The following ABCC8 variants were observed in gnomAD, a reference collection of about 807,000 sequenced individuals.
ABCC8 encodes the protein ATP-binding cassette sub-family C member 8.
In ABCC8, 137 loss-of-function variants were observed where a neutral mutation model predicts 188.0. The observed-to-expected ratio is 0.73, with a 90% CI of 0.63 to 0.84. The LOEUF (loss-of-function observed/expected upper bound fraction) is 0.84. ABCC8 is among the 40% of genes least tolerant of loss of function. The pLI is 0.00. For missense variants in ABCC8, 1,750 were observed against 2,072.7 expected (o/e 0.84, Z 3.02); for synonymous variants, 797 against 846.5 (o/e 0.94, Z 1.01).
Position 17,414,144 on chromosome 11 carries a change from T to C in ABCC8, c.2390+368A>G, listed in dbSNP as rs72866830. Among the ~76,000 whole-genome samples the C allele has an allele frequency of 7.6e-3, 1,159 of 152,338 alleles. 7 individuals are homozygous for C. Among genetic ancestry groups the C allele is most frequent in the Non-Finnish European group, 0.011 (776 of 68,030 alleles). The stretch of plus-strand genomic sequence containing the variant: ...AAAGAGCTCGGCACTGTGCCTGGTA[T>C]GTAGTAAGAGCGCAGTCGATGCTAG... On this transcript the variant is annotated intron_variant, in intron 19 of 38. Coordinates refer to ENST00000389817, the MANE Select transcript of ABCC8 (RefSeq NM_000352.6).
intron 33 of ABCC8, chr11:17,396,264 A>T (rs1353385643): frequency 6.6e-6 from 3 of 454,642 alleles, no homozygotes; most frequent in East Asian, 4.6e-5. Flanking sequence ...AGGAGGACAC[A>T]GGGGCAGCTG....
At chr11:17,429,582 G>A (rs1343465148) in intron 12 of ABCC8, 2 of 152,264 alleles carry the variant, frequency 1.3e-5, no homozygotes, top group Non-Finnish European at 2.9e-5. Flanking sequence ...AAAGGCCTCT[G>A]CTACTCTGGT....
At chr11:17,420,970 T>C (rs552453378) in intron 16 of ABCC8, among the ~76,000 whole-genome samples, 133 of 152,344 alleles carry the variant, frequency 8.7e-4, no homozygotes, top group African/African-American at 3.1e-3. Context: ...CTAAAGTGAA[T>C]GCTTGGGAAC....
intron 16 of ABCC8, among the ~76,000 whole-genome samples, chr11:17,421,138 A>C (rs370838819): frequency 8.5e-5 from 13 of 152,338 alleles, no homozygotes; most frequent in East Asian, 3.9e-4. Flanking sequence ...CCCCAAGGGC[A>C]GGTGCTAGGC....
intron 17 of ABCC8, 56 bp downstream of exon 17, chr11:17,416,874 C>G (rs1591770993): frequency 1.9e-6 from 3 of 1,601,506 alleles, no homozygotes; most frequent in Non-Finnish European, 2.6e-6. Context: ...CCTCCACCCC[C>G]ACCCTACCCC....
chr11:17,441,323 C>T (rs551236046), intron 10 of ABCC8, among the ~76,000 whole-genome samples: 1 of 152,252 alleles, frequency 6.6e-6, no homozygotes, highest in South Asian at 2.1e-4. Flanking sequence ...CTACTAACCT[C>T]AGGAGGGATC....
In ABCC8 at chr11:17,448,595, C is replaced by T. The variant is rs1956633204; in HGVS notation, c.1253G>A (p.Cys418Tyr). The change falls in exon 8 of 39, where the codon TGT (cysteine) becomes TAT (tyrosine). Residue 418 changes from cysteine to tyrosine, a missense_variant. Cys to Tyr is a radical substitution (Grantham distance 194). Transcript: ENST00000389817. Reference sequence around the variant, plus strand: ...ATTGGTGTCGATGGCAACCAGATTACAGATCTGTCCAGCAGTCATTTCTCC... The same window carrying T: ...ATTGGTGTCGATGGCAACCAGATTATAGATCTGTCCAGCAGTCATTTCTCC... ...SMGEMTAGQICNLVAIDTNQL... is the reference protein window; with the variant it reads ...SMGEMTAGQIYNLVAIDTNQL... The T allele has an allele frequency of 3.7e-6, 6 of 1,614,176 alleles. No homozygotes were observed. Among genetic ancestry groups the T allele is most frequent in the Non-Finnish European group, 5.1e-6 (6 of 1,180,006 alleles).
intron 22 of ABCC8, chr11:17,410,298 AG>A (rs1180987208): frequency 1.8e-6 from 1 of 558,832 alleles, no homozygotes; most frequent in Non-Finnish European, 3.2e-6. Context: ...GGCCCGGGCC[AG>A]GATGGGGAGT....
chr11:17,473,266 G>T (rs1848577379), intron 2 of ABCC8, among the ~76,000 whole-genome samples: 1 of 151,978 alleles, frequency 6.6e-6, no homozygotes, highest in Admixed American at 6.5e-5. Context: ...TGGAAGGGGT[G>T]TAGGGGTGGG....
intron 1 of ABCC8, among the ~76,000 whole-genome samples, chr11:17,475,840 T>C (rs902462428): frequency 5.3e-5 from 8 of 152,208 alleles, no homozygotes; most frequent in Admixed American, 1.3e-4. Flanking sequence ...GGGGACACCC[T>C]ATGAGTTGAT....
chr11:17,397,813 A>T lies in ABCC8; in HGVS notation c.3754-16T>A, dbSNP rs1954021944. ...CGATGTACTCCTGGGGAGGGAGAGG[A>T]GCTGACCTGGGCGCTCAGGGGTTAG... On this transcript the variant is annotated splice_polypyrimidine_tract_variant and intron_variant, in intron 30 of 38. Transcript: ENST00000389817. 6 of 1,613,058 alleles carry T rather than the reference A, an allele frequency of 3.7e-6. No homozygotes were observed. Among genetic ancestry groups the T allele is most frequent in the Non-Finnish European group, 5.1e-6 (6 of 1,179,920 alleles).
chr11:17,468,142 G>A (rs192013422), intron 3 of ABCC8, among the ~76,000 whole-genome samples: 2 of 152,112 alleles, frequency 1.3e-5, no homozygotes, highest in Non-Finnish European at 2.9e-5. Context: ...TACTCATGTG[G>A]GGGCCCCTGG....
intron 29 of ABCC8, among the ~76,000 whole-genome samples, chr11:17,400,912 A>C (rs1954208382): frequency 6.6e-6 from 1 of 152,258 alleles, no homozygotes; most frequent in African/African-American, 2.4e-5. Flanking sequence ...AGCTCTCAAC[A>C]GGCTGCTGGA....
At chr11:17,449,491 C>T (rs1418429050) in intron 7 of ABCC8, among the ~76,000 whole-genome samples, 1 of 152,214 alleles carries the variant, frequency 6.6e-6, no homozygotes, top group Non-Finnish European at 1.5e-5. Flanking sequence ...GCACCATCCC[C>T]AGAGTGCAGC....
chr11:17,395,777 G>A, intron 34 of ABCC8, 59 bp from the exon 35 acceptor site: 3 of 1,552,842 alleles, frequency 1.9e-6, no homozygotes, highest in Non-Finnish European at 1.7e-6. Flanking sequence ...CTCCTGTCAT[G>A]TCTGACCACG....
chr11:17,410,354 C>T (rs1043374482), intron 22 of ABCC8, 162 bp downstream of exon 22: 3 of 787,232 alleles, frequency 3.8e-6, no homozygotes. Flanking sequence ...TGTACAGGGT[C>T]TCCCTGAAAT....
intron 10 of ABCC8, among the ~76,000 whole-genome samples, chr11:17,440,939 G>A (rs911985992): frequency 7.9e-5 from 12 of 152,214 alleles, no homozygotes; most frequent in Non-Finnish European, 1.6e-4. Context: ...TAGGCAGCAA[G>A]AATGCCAAGA....
At chr11:17,406,833 C>A (rs1259039296) in intron 25 of ABCC8, 45 bp from the exon 26 acceptor site, 3 of 1,614,182 alleles carry the variant, frequency 1.9e-6, no homozygotes, top group Non-Finnish European at 2.5e-6. Context: ...TGCCCATGGG[C>A]TCAGCCCTTC....
At chr11:17,452,545 G>C (rs1956853177) in intron 7 of ABCC8, among the ~76,000 whole-genome samples, 1 of 152,208 alleles carries the variant, frequency 6.6e-6, no homozygotes, top group South Asian at 2.1e-4. Context: ...ACTCCTATGA[G>C]AGTCTAATGT....
Sources: allele counts gnomAD v4.1 joint callset (sites outside exome capture counted in the v4.1 genomes callset), GRCh38; gene constraint gnomAD v4.1.1; transcripts MANE v1.5; gene names NCBI Gene and HGNC (gene_info 2026-07-23, HGNC 2026-07-21).